GRM7: variants seen among roughly 807,000 people sequenced by gnomAD.
GRM7 encodes the protein glutamate metabotropic receptor 7.
GRM7 carries 35 observed loss-of-function variants against 84.5 expected under a neutral mutation model. That is an observed-to-expected ratio of 0.41 (90% CI 0.32 to 0.55). The LOEUF is 0.55. Among genes scored for constraint, GRM7 ranks in the 20% least tolerant of loss-of-function variants. GRM7 has a pLI of 0.19. For synonymous variants in GRM7, 487 were observed against 455.1 expected (o/e 1.07, Z -0.89); for missense variants, 1,003 against 1,194.6 (o/e 0.84, Z 2.36).
intron 4 of GRM7, among the ~76,000 whole-genome samples, chr3:7,379,684 GA>G (rs1049647901): frequency 5.9e-5 from 9 of 152,044 alleles, no homozygotes; most frequent in East Asian, 1.9e-4. Context: ...ATTTTCAGGG[GA>G]AAAAATATAC....
intron 4 of GRM7, among the ~76,000 whole-genome samples, chr3:7,318,201 TG>T (rs1419539197): frequency 2.0e-5 from 3 of 152,094 alleles, no homozygotes; most frequent in Non-Finnish European, 2.9e-5. Flanking sequence ...GCAATTTATT[TG>T]TTTTTTTATC....
At chr3:7,121,842 G>A (rs1168372872) in intron 1 of GRM7, among the ~76,000 whole-genome samples, 1 of 152,178 alleles carries the variant, frequency 6.6e-6, no homozygotes, top group African/African-American at 2.4e-5. Context: ...CATATTGCAA[G>A]GTGGGGCCTC....
At chr3:7,483,513 G>C (rs530102658) in intron 7 of GRM7, among the ~76,000 whole-genome samples, 1 of 152,196 alleles carries the variant, frequency 6.6e-6, no homozygotes, top group Non-Finnish European at 1.5e-5. Flanking sequence ...AAGGTGAATA[G>C]GAGGTAGGAG....
intron 7 of GRM7, among the ~76,000 whole-genome samples, chr3:7,494,657 T>C (rs532213362): frequency 6.6e-6 from 1 of 152,298 alleles, no homozygotes; most frequent in Admixed American, 6.5e-5. Context: ...CTGTTGTCTG[T>C]TTTTACATTA....
chr3:7,714,921 G>T (rs1701718054), intron 9 of GRM7, among the ~76,000 whole-genome samples: 1 of 152,186 alleles, frequency 6.6e-6, no homozygotes, highest in Non-Finnish European at 1.5e-5. Flanking sequence ...TCATGCCAAT[G>T]GCAATGAACA....
chr3:7,206,307 G>C (rs1026315389), intron 2 of GRM7, among the ~76,000 whole-genome samples: 2 of 152,128 alleles, frequency 1.3e-5, no homozygotes, highest in African/African-American at 4.8e-5. Context: ...GAGCTATTAC[G>C]ACTAACTAAA....
chr3:7,410,521 C>T (rs1426236932), intron 4 of GRM7, among the ~76,000 whole-genome samples: 2 of 151,618 alleles, frequency 1.3e-5, no homozygotes, highest in East Asian at 3.9e-4. Flanking sequence ...TGCATTGTGC[C>T]ATGTTTGAGC....
chr3:7,019,746 G>A (rs753907525), intron 1 of GRM7, among the ~76,000 whole-genome samples: 14 of 152,100 alleles, frequency 9.2e-5, no homozygotes, highest in Admixed American at 2.0e-4. Context: ...GTGAAGAACT[G>A]GAAATAGCTG....
At chr3:7,647,036 C>T (rs1698679756) in intron 8 of GRM7, among the ~76,000 whole-genome samples, 1 of 152,126 alleles carries the variant, frequency 6.6e-6, no homozygotes, top group South Asian at 2.1e-4. Flanking sequence ...AATAATGTTC[C>T]CTTGGCATTT....
chr3:7,017,036 A>G (rs1018647718), intron 1 of GRM7, among the ~76,000 whole-genome samples: 6 of 152,208 alleles, frequency 3.9e-5, no homozygotes, highest in African/African-American at 7.2e-5. Flanking sequence ...GCATTTTAAC[A>G]TGAGCCCCAG....
intron 8 of GRM7, among the ~76,000 whole-genome samples, chr3:7,662,681 CTT>C (rs765233721): frequency 6.6e-6 from 1 of 152,092 alleles, no homozygotes; most frequent in Non-Finnish European, 1.5e-5. Context: ...ATGTACATGA[CTT>C]TTAAATAGTT....
At chr3:7,532,653 C>T (rs1285732549) in intron 7 of GRM7, among the ~76,000 whole-genome samples, 1 of 151,558 alleles carries the variant, frequency 6.6e-6, no homozygotes, top group African/African-American at 2.4e-5. Context: ...TTTTTCTTGT[C>T]TTCTGCTAGC....
intron 4 of GRM7, among the ~76,000 whole-genome samples, chr3:7,316,195 A>T (rs1700576353): frequency 6.6e-6 from 1 of 152,108 alleles, no homozygotes; most frequent in African/African-American, 2.4e-5. Context: ...AGGGAGATGA[A>T]GTCAGGATAT....
intron 1 of GRM7, among the ~76,000 whole-genome samples, chr3:7,032,338 T>C (rs1410587897): frequency 6.6e-6 from 1 of 152,224 alleles, no homozygotes; most frequent in East Asian, 1.9e-4. Flanking sequence ...TTTGGTTAGA[T>C]GTGAGTAGTA....
intron 1 of GRM7, among the ~76,000 whole-genome samples, chr3:7,024,694 T>A (rs973688913): frequency 6.6e-6 from 1 of 152,150 alleles, no homozygotes; most frequent in South Asian, 2.1e-4. Context: ...AGAACAAGAG[T>A]TGAGCCTAGA....
intron 1 of GRM7, among the ~76,000 whole-genome samples, chr3:6,874,814 C>A (rs1695244377): frequency 6.6e-6 from 1 of 152,176 alleles, no homozygotes; most frequent in Non-Finnish European, 1.5e-5. Flanking sequence ...TGAAGGGGAC[C>A]TCTTCAAAGA....
chr3:7,198,330 G>GA (rs932288605), intron 2 of GRM7, among the ~76,000 whole-genome samples: 8 of 152,118 alleles, frequency 5.3e-5, no homozygotes, highest in African/African-American at 1.9e-4. Context: ...TGAAAAGTTG[G>GA]AAAATCTAAT....
In GRM7 at chr3:7,460,913, A is replaced by G. The variant is rs138765718; in HGVS notation, c.1376-670A>G. On this transcript the variant is annotated intron_variant, in intron 6 of 9. Coordinates refer to ENST00000357716, the MANE Select transcript of GRM7 (RefSeq NM_000844.4). ...TCTTTAAAATTCACTCCAAAGTCTA[A>G]TTCTGCCAGAATAATTGGTTGTGTC... 3.3e-3 allele frequency among the ~76,000 whole-genome samples: 499 copies of G among 152,322 alleles called. 6 individuals carry two copies. The highest frequency in any genetic ancestry group is 0.022 in the South Asian group (105 of 4,828).
intron 2 of GRM7, among the ~76,000 whole-genome samples, chr3:7,228,402 A>C (rs1464869895): frequency 6.6e-6 from 1 of 152,250 alleles, no homozygotes; most frequent in Non-Finnish European, 1.5e-5. Flanking sequence ...TTGGAAACAA[A>C]ATCCGATAAA....
Sources: gnomAD v4.1 joint callset for allele counts (sites outside exome capture counted in the v4.1 genomes callset) on GRCh38, gnomAD v4.1.1 for gene constraint, MANE v1.5 for transcripts, NCBI Gene and HGNC (gene_info 2026-07-23, HGNC 2026-07-21) for gene names.